The following CATSPERT variants were observed in gnomAD, a reference collection of about 807,000 sequenced individuals.
CATSPERT encodes cation channel sperm-associated targeting subunit tau.
the CATSPERT span, among the ~76,000 whole-genome samples, chr2:201,600,071 C>T: frequency 2.0e-5 from 3 of 152,132 alleles, no homozygotes; most frequent in Non-Finnish European, 2.9e-5. Flanking sequence ...TTTAACCCAG[C>T]GATCCCATTA....
chr2:201,536,202 A>C, the CATSPERT span: 1 of 1,613,518 alleles, frequency 6.2e-7, no homozygotes. Flanking sequence ...CAATGAGTGC[A>C]CTTCTGTGGG....
At chr2:201,601,977 C>A in the CATSPERT span, 1 of 919,880 alleles carries the variant, frequency 1.1e-6, no homozygotes, top group South Asian at 1.9e-5. Context: ...CAGACCAAAA[C>A]CTAAGAATCA....
At chr2:201,602,390 C>A in the CATSPERT span, among the ~76,000 whole-genome samples, 1 of 151,852 alleles carries the variant, frequency 6.6e-6, no homozygotes, top group East Asian at 1.9e-4. Context: ...TAACTATCTT[C>A]AAAAATCTCA....
chr2:201,608,117 G>A, the CATSPERT span, among the ~76,000 whole-genome samples: 4 of 152,166 alleles, frequency 2.6e-5, no homozygotes, highest in African/African-American at 9.7e-5. Context: ...GCTGAGCTGG[G>A]ACTCATATAG....
At chr2:201,587,389 T>C in the CATSPERT span, among the ~76,000 whole-genome samples, 5 of 152,164 alleles carry the variant, frequency 3.3e-5, no homozygotes, top group Non-Finnish European at 7.4e-5. Context: ...GCAGGTCTTC[T>C]AGATACAAAT....
chr2:201,541,782 G>T, the CATSPERT span, among the ~76,000 whole-genome samples: 1 of 151,854 alleles, frequency 6.6e-6, no homozygotes, highest in African/African-American at 2.4e-5. Context: ...TTTTAGTAGA[G>T]ATAGGGTTTC....
At chr2:201,540,692 T>C in the CATSPERT span, among the ~76,000 whole-genome samples, 5 of 152,348 alleles carry the variant, frequency 3.3e-5, no homozygotes, top group South Asian at 1.0e-3. Context: ...AGAGCTCTGA[T>C]GGAAATGTCT....
At chr2:201,539,516 T>TTG in the CATSPERT span, among the ~76,000 whole-genome samples, 1 of 145,130 alleles carries the variant, frequency 6.9e-6, no homozygotes, top group Non-Finnish European at 1.5e-5. Context: ...ACGAGGTTTT[T>TTG]TTTTTTTTTT....
At chr2:201,571,433 T>C in the CATSPERT span, among the ~76,000 whole-genome samples, 3 of 152,224 alleles carry the variant, frequency 2.0e-5, no homozygotes, top group Admixed American at 2.0e-4. Flanking sequence ...ATTTCAAGAT[T>C]GATTAGCATA....
the CATSPERT span, chr2:201,536,439 C>T: frequency 8.1e-7 from 1 of 1,231,770 alleles, no homozygotes; most frequent in Non-Finnish European, 1.1e-6. Flanking sequence ...AACAAATTAC[C>T]ATTATTATTT....
chr2:201,487,443 C>T, the CATSPERT span: 1 of 666,454 alleles, frequency 1.5e-6, no homozygotes, highest in Non-Finnish European at 2.4e-6. Context: ...TCATTTTAAT[C>T]AAAACAAAAT....
chr2:201,540,813 A>G, the CATSPERT span, among the ~76,000 whole-genome samples: 1 of 152,218 alleles, frequency 6.6e-6, no homozygotes, highest in Non-Finnish European at 1.5e-5. Flanking sequence ...TACATTTTGT[A>G]AGGCTTTAGC....
the CATSPERT span, chr2:201,582,196 TATC>T: frequency 2.5e-6 from 4 of 1,599,916 alleles, no homozygotes; most frequent in Admixed American, 1.8e-5. Flanking sequence ...TTATTCCGCT[TATC>T]ATCATAACGT....
At chr2:201,608,571 C>G in the CATSPERT span, among the ~76,000 whole-genome samples, 2 of 152,120 alleles carry the variant, frequency 1.3e-5, no homozygotes, top group Non-Finnish European at 2.9e-5. Flanking sequence ...AATCCCAGCA[C>G]TTTGGGAGGC....
the CATSPERT span, chr2:201,487,675 ATT>A: frequency 6.2e-7 from 1 of 1,613,866 alleles, no homozygotes; most frequent in East Asian, 2.2e-5. Flanking sequence ...ATGTTTTATC[ATT>A]TATATGAACT....
chr2:201,497,468 CAT>C, the CATSPERT span, among the ~76,000 whole-genome samples: 2 of 152,102 alleles, frequency 1.3e-5, no homozygotes, highest in African/African-American at 2.4e-5. Flanking sequence ...AAAAAAGAAA[CAT>C]GTATGATAAA....
At chr2:201,541,375 C>T in the CATSPERT span, among the ~76,000 whole-genome samples, 1 of 151,810 alleles carries the variant, frequency 6.6e-6, no homozygotes, top group South Asian at 2.1e-4. Flanking sequence ...GAAGAGCCAA[C>T]TGACGCAGCA....
the CATSPERT span, among the ~76,000 whole-genome samples, chr2:201,592,191 A>T: frequency 7.2e-3 from 1,092 of 152,100 alleles, 19 homozygotes; most frequent in African/African-American, 0.025. Flanking sequence ...TTAGCATGAA[A>T]GGTTGTTGAA....
At chr2:201,548,024 T>C in the CATSPERT span, among the ~76,000 whole-genome samples, 1 of 152,162 alleles carries the variant, frequency 6.6e-6, no homozygotes, top group Non-Finnish European at 1.5e-5. Context: ...TGTAACAGAA[T>C]ACAATAGACT....
Sources: allele counts gnomAD v4.1 joint callset (sites outside exome capture counted in the v4.1 genomes callset), GRCh38; gene constraint gnomAD v4.1.1; transcripts MANE v1.5; gene names NCBI Gene and HGNC (gene_info 2026-07-23, HGNC 2026-07-21).